PBX1: variants seen among roughly 807,000 people sequenced by gnomAD.
PBX1 encodes pre-B-cell leukemia transcription factor 1.
A neutral mutation model predicts 53.4 loss-of-function variants in PBX1; 6 were observed. That is an observed-to-expected ratio of 0.11 (90% CI 0.06 to 0.22). The LOEUF (loss-of-function observed/expected upper bound fraction) is 0.22, where lower values mean the gene tolerates loss of function less well. Ranked by LOEUF, PBX1 falls within the 10% of genes least tolerant of loss-of-function variation. The pLI, the probability that PBX1 is intolerant of heterozygous loss-of-function variation, is 1.00. For synonymous variants in PBX1, 204 were observed against 212.3 expected (o/e 0.96, Z 0.34); for missense variants, 251 against 551.4 (o/e 0.46, Z 5.46).
intron 2 of PBX1, among the ~76,000 whole-genome samples, chr1:164,878,995 C>A (rs1432195841): frequency 6.6e-6 from 1 of 152,276 alleles, no homozygotes; most frequent in African/African-American, 2.4e-5. Context: ...AGAGCAGACC[C>A]AAAAGGTAAG....
chr1:164,724,809 G>T (rs1664611068), intron 2 of PBX1, among the ~76,000 whole-genome samples: 1 of 144,648 alleles, frequency 6.9e-6, no homozygotes, highest in Admixed American at 7.4e-5. Flanking sequence ...TTCCTTTCTT[G>T]TATTCCTCTT....
At chr1:164,663,020 G>T (rs1386076294) in intron 2 of PBX1, among the ~76,000 whole-genome samples, 1 of 152,174 alleles carries the variant, frequency 6.6e-6, no homozygotes, top group Non-Finnish European at 1.5e-5. Flanking sequence ...GCTAACATCA[G>T]CACAACTAGT....
intron 2 of PBX1, among the ~76,000 whole-genome samples, chr1:164,786,779 T>C (rs1019896225): frequency 6.6e-5 from 10 of 151,448 alleles, no homozygotes; most frequent in African/African-American, 2.2e-4. Context: ...CTGCCTGTTG[T>C]GAAAAGGATT....
Position 164,787,430 on chromosome 1 carries a change from C to T in PBX1, c.266-5064C>T, listed in dbSNP as rs560875858. On this transcript the variant is annotated intron_variant, in intron 2 of 8. Transcript: ENST00000420696. Reference sequence around the variant, plus strand: ...AATCTGAGCAGAGGCATTCCCCCAGCATGAACCTGGACACTTGACTGTCCG... The same window carrying T: ...AATCTGAGCAGAGGCATTCCCCCAGTATGAACCTGGACACTTGACTGTCCG... Among the ~76,000 whole-genome samples the T allele has an allele frequency of 5.3e-5, 8 of 152,234 alleles. No individual in the cohort carries two copies. In the South Asian group the frequency reaches 8.3e-4, roughly 16 times the overall value.
intron 7 of PBX1, 83 bp downstream of exon 7, chr1:164,820,267 CAGAG>C (rs1287141297): frequency 2.5e-6 from 2 of 792,758 alleles, no homozygotes; most frequent in Non-Finnish European, 4.3e-6. Context: ...TGCTTCTGTC[CAGAG>C]AGAGAGAGAA....
At chr1:164,585,542 G>C (rs1048069387) in intron 2 of PBX1, among the ~76,000 whole-genome samples, 4 of 152,302 alleles carry the variant, frequency 2.6e-5, no homozygotes, top group South Asian at 2.1e-4. Context: ...TAGTCTTTGA[G>C]GGGGGTAGTC....
chr1:164,647,662 G>A (rs1281304167), intron 2 of PBX1, among the ~76,000 whole-genome samples: 1 of 152,026 alleles, frequency 6.6e-6, no homozygotes, highest in East Asian at 1.9e-4. Flanking sequence ...AAGTATATTT[G>A]GTACAGAGTG....
intron 6 of PBX1, chr1:164,815,418 A>G (rs968172692): frequency 6.6e-6 from 1 of 152,236 alleles, no homozygotes; most frequent in Admixed American, 6.5e-5. Context: ...AGCAAATTCA[A>G]CCATGAAAGT....
chr1:164,565,025 A>G (rs1375958456), intron 2 of PBX1, among the ~76,000 whole-genome samples: 3 of 152,136 alleles, frequency 2.0e-5, no homozygotes, highest in East Asian at 1.9e-4. Context: ...AAGATACTTT[A>G]TCAGATTTTT....
intron 2 of PBX1, among the ~76,000 whole-genome samples, chr1:164,593,290 T>G (rs1157673311): frequency 2.0e-5 from 3 of 152,144 alleles, no homozygotes; most frequent in Admixed American, 1.3e-4. Flanking sequence ...CCAACTTATC[T>G]CTTTATAATT....
chr1:164,675,165 A>G (rs1661362243), intron 2 of PBX1, among the ~76,000 whole-genome samples: 1 of 152,130 alleles, frequency 6.6e-6, no homozygotes, highest in Non-Finnish European at 1.5e-5. Context: ...TTGACAGATG[A>G]TGCCACCAGA....
At chr1:164,877,793 A>G (rs959210387) in intron 2 of PBX1, among the ~76,000 whole-genome samples, 1 of 152,230 alleles carries the variant, frequency 6.6e-6, no homozygotes. Flanking sequence ...ATACATATAC[A>G]CAAGTGATAC....
At position 164,822,328 on chromosome 1, in the gene PBX1, G is replaced by A. The variant is rs1670201516; in HGVS notation, c.1200+702G>A. Among the ~76,000 whole-genome samples, 2 of 152,092 alleles carry A rather than the reference G, an allele frequency of 1.3e-5. 1 individual carries two copies. Among genetic ancestry groups the A allele is most frequent in the South Asian group, 4.1e-4 (2 of 4,824 alleles). ...GCAAGCTGGGACAAGAGGGCAGCCTGGAAAAGGAGGCTGTTTTTTAGATCA... is the reference window on the plus strand; with the variant it reads ...GCAAGCTGGGACAAGAGGGCAGCCTAGAAAAGGAGGCTGTTTTTTAGATCA... On this transcript the variant is annotated intron_variant, in intron 8 of 8. Transcript: ENST00000420696.
chr1:164,761,370 C>T (rs1455300399), intron 2 of PBX1, among the ~76,000 whole-genome samples: 1 of 152,180 alleles, frequency 6.6e-6, no homozygotes, highest in Non-Finnish European at 1.5e-5. Context: ...TACACACATG[C>T]CAAAAGGCTT....
intron 2 of PBX1, among the ~76,000 whole-genome samples, chr1:164,874,066 C>A (rs1245372964): frequency 6.6e-6 from 1 of 151,234 alleles, no homozygotes; most frequent in Admixed American, 6.6e-5. Flanking sequence ...ACCTTTTGTT[C>A]TGATTGTTGG....
At chr1:164,804,700 G>A (rs1669254768) in intron 4 of PBX1, among the ~76,000 whole-genome samples, 1 of 152,192 alleles carries the variant, frequency 6.6e-6, no homozygotes, top group Non-Finnish European at 1.5e-5. Flanking sequence ...TGAAAGTGTA[G>A]AACTGTCAGG....
chr1:164,708,072 C>A (rs184763911), intron 2 of PBX1, among the ~76,000 whole-genome samples: 134 of 152,318 alleles, frequency 8.8e-4, no homozygotes, highest in Middle Eastern at 3.4e-3. Flanking sequence ...GTAGGCCATG[C>A]TGTCTCGTAG....
intron 2 of PBX1, among the ~76,000 whole-genome samples, chr1:164,630,136 C>T (rs77308256): frequency 1.6e-3 from 251 of 152,220 alleles, no homozygotes; most frequent in African/African-American, 5.8e-3. Flanking sequence ...GGGTGATGCT[C>T]GTGGGACAGT....
chr1:164,830,063 G>T (rs1670675387), intron 8 of PBX1: 1 of 152,012 alleles, frequency 6.6e-6, no homozygotes, highest in Non-Finnish European at 1.5e-5. Flanking sequence ...CTACCATGTT[G>T]GCTAGTGAAG....
Sources: gnomAD v4.1 joint callset for allele counts (sites outside exome capture counted in the v4.1 genomes callset) on GRCh38, gnomAD v4.1.1 for gene constraint, MANE v1.5 for transcripts, NCBI Gene and HGNC (gene_info 2026-07-23, HGNC 2026-07-21) for gene names.